Variants in EPHA6 observed in about 807,000 individuals in gnomAD.
EPHA6 encodes EPH receptor A6, also known as ephrin type-A receptor 6.
Under a neutral mutation model 112.0 loss-of-function variants are expected in EPHA6, and 50 were observed. The observed-to-expected ratio is 0.45, with a 90% CI of 0.36 to 0.56. EPHA6 has a LOEUF of 0.56. Ranked by LOEUF, EPHA6 falls within the 20% of genes least tolerant of loss-of-function variation. The probability of loss-of-function intolerance (pLI) is 0.00; values close to 1 mark genes in which losing one functional copy is unlikely to be tolerated. For synonymous variants in EPHA6, 529 were observed against 490.7 expected (o/e 1.08, Z -1.03); for missense variants, 1,280 against 1,417.4 (o/e 0.90, Z 1.56).
At chr3:97,396,677 C>A (rs2086713264) in intron 5 of EPHA6, among the ~76,000 whole-genome samples, 1 of 151,664 alleles carries the variant, frequency 6.6e-6, no homozygotes, top group Non-Finnish European at 1.5e-5. Flanking sequence ...CACATCTCTT[C>A]ATTAAACAAT....
At chr3:97,716,615 T>G (rs2034249827) in intron 14 of EPHA6, among the ~76,000 whole-genome samples, 2 of 150,502 alleles carry the variant, frequency 1.3e-5, no homozygotes, top group South Asian at 4.2e-4. Context: ...ACCCAGGTGC[T>G]TCTGTGTTTC....
rs574368708 is a variant in EPHA6 at position 97,610,405 on chromosome 3, G to A, written c.2513-388G>A. Among the ~76,000 whole-genome samples the A allele has an allele frequency of 5.3e-5, 8 of 151,716 alleles. No individual in the cohort carries two copies. The South Asian group carries it at 1.7e-3, about 31-fold the overall frequency. On this transcript the variant is annotated intron_variant, in intron 12 of 17. Transcript: ENST00000389672. ...CAGGCAAAATTGCTGCACTGCCTTA[G>A]AAGTTGTACCACAACTGCAAAAGCA...
intron 3 of EPHA6, among the ~76,000 whole-genome samples, chr3:97,176,630 G>C (rs79520221): frequency 6.6e-6 from 1 of 151,612 alleles, no homozygotes; most frequent in Non-Finnish European, 1.5e-5. Context: ...GGTAGGTTGC[G>C]TGTATCTAGG....
rs182789356 is a variant in EPHA6, at chr3:97,692,597, T to C, written c.2785-27664T>C. Among the ~76,000 whole-genome samples the C allele has an allele frequency of 2.7e-3, 415 of 152,348 alleles. 11 individuals are homozygous for C. Among genetic ancestry groups the C allele is most frequent in the Admixed American group, 0.023 (347 of 15,306 alleles). On this transcript the variant is annotated intron_variant, in intron 14 of 17. Transcript: ENST00000389672. Reference sequence around the variant, plus strand: ...CCTCACTGCCATTTTCTGAATAATTTATGTGATTTACAGTGCCTTGTAAAA... The same window carrying C: ...CCTCACTGCCATTTTCTGAATAATTCATGTGATTTACAGTGCCTTGTAAAA...
At chr3:97,412,216 G>A (rs886707755) in intron 6 of EPHA6, among the ~76,000 whole-genome samples, 1 of 152,072 alleles carries the variant, frequency 6.6e-6, no homozygotes, top group African/African-American at 2.4e-5. Context: ...CAGAGGGCTG[G>A]AATTCTTTTG....
chr3:97,456,884 G>C (rs747955292), intron 7 of EPHA6, among the ~76,000 whole-genome samples: 10 of 151,938 alleles, frequency 6.6e-5, no homozygotes, highest in Non-Finnish European at 1.3e-4. Flanking sequence ...ATGTTCCTTA[G>C]GTATTTCAAA....
chr3:97,382,783 C>T (rs1036580412), intron 5 of EPHA6, among the ~76,000 whole-genome samples: 3 of 151,922 alleles, frequency 2.0e-5, no homozygotes, highest in African/African-American at 7.2e-5. Flanking sequence ...TAATTTTAAA[C>T]CAAATGAACC....
intron 14 of EPHA6, chr3:97,646,207 G>C (rs1359382177): frequency 6.5e-7 from 1 of 1,535,750 alleles, no homozygotes; most frequent in Admixed American, 2.0e-5. Flanking sequence ...TCCAGCTCTG[G>C]TTATGGTACT....
intron 10 of EPHA6, among the ~76,000 whole-genome samples, chr3:97,526,583 T>C (rs1272956545): frequency 6.7e-6 from 1 of 149,476 alleles, no homozygotes; most frequent in African/African-American, 2.5e-5. Context: ...AGTTATGGTC[T>C]TCTATGGGAT....
chr3:97,348,742 C>T (rs1433131278), intron 5 of EPHA6, among the ~76,000 whole-genome samples: 1 of 151,882 alleles, frequency 6.6e-6, no homozygotes, highest in African/African-American at 2.4e-5. Flanking sequence ...GATTTGTCTA[C>T]TAAGTGTATC....
chr3:97,168,881 A>G (rs1224396360), intron 3 of EPHA6, among the ~76,000 whole-genome samples: 2 of 152,102 alleles, frequency 1.3e-5, no homozygotes, highest in African/African-American at 4.8e-5. Flanking sequence ...GCAACTTCGG[A>G]AGTAAGTAAT....
At chr3:97,328,098 T>G (rs2082574015) in intron 5 of EPHA6, among the ~76,000 whole-genome samples, 1 of 142,200 alleles carries the variant, frequency 7.0e-6, no homozygotes, top group African/African-American at 2.7e-5. Context: ...TGTATAATCA[T>G]TCATTGAAGA....
intron 2 of EPHA6, among the ~76,000 whole-genome samples, chr3:96,974,174 TATA>T (rs570421697): frequency 0.014 from 2,027 of 147,010 alleles, 53 homozygotes; most frequent in African/African-American, 0.046. Context: ...GTATTACACT[TATA>T]ATAATTACAA....
intron 12 of EPHA6, among the ~76,000 whole-genome samples, chr3:97,599,474 T>A (rs1452522670): frequency 1.4e-5 from 2 of 143,720 alleles, no homozygotes; most frequent in Admixed American, 1.4e-4. Flanking sequence ...CAGTTTCAGC[T>A]TTCTACATAT....
At chr3:96,890,694 G>A (rs1411131906) in intron 2 of EPHA6, among the ~76,000 whole-genome samples, 1 of 152,176 alleles carries the variant, frequency 6.6e-6, no homozygotes, top group Non-Finnish European at 1.5e-5. Flanking sequence ...TTTCGAAGAG[G>A]ATATGGGGCA....
intron 14 of EPHA6, among the ~76,000 whole-genome samples, chr3:97,676,460 T>C (rs1478913134): frequency 6.6e-6 from 1 of 152,126 alleles, no homozygotes; most frequent in Non-Finnish European, 1.5e-5. Flanking sequence ...AAAGGTTTAA[T>C]TGGAATGGAA....
chr3:97,050,174 G>T (rs538776209), intron 3 of EPHA6, among the ~76,000 whole-genome samples: 1 of 152,112 alleles, frequency 6.6e-6, no homozygotes, highest in African/African-American at 2.4e-5. Context: ...GGCAGGTTAG[G>T]ATCACAGCGT....
At chr3:96,981,479 G>A (rs918718945) in intron 2 of EPHA6, among the ~76,000 whole-genome samples, 4 of 151,958 alleles carry the variant, frequency 2.6e-5, no homozygotes, top group Admixed American at 6.6e-5. Flanking sequence ...TTTTTGCATC[G>A]ATGTTCATCA....
intron 14 of EPHA6, among the ~76,000 whole-genome samples, chr3:97,644,897 C>A (rs2094044137): frequency 6.6e-6 from 1 of 152,046 alleles, no homozygotes; most frequent in Non-Finnish European, 1.5e-5. Context: ...GAAACTATTC[C>A]AATCAGTAAA....
Sources: allele counts gnomAD v4.1 joint callset (sites outside exome capture counted in the v4.1 genomes callset), GRCh38; gene constraint gnomAD v4.1.1; transcripts MANE v1.5; gene names NCBI Gene and HGNC (gene_info 2026-07-23, HGNC 2026-07-21).